ATXN8OS: variants seen among roughly 807,000 people sequenced by gnomAD.
The protein encoded by ATXN8OS is ATXN8 opposite strand (non-protein coding).
At chr13:70,168,866 A>G (rs1327583326) in intron 4 of ATXN8OS, among the ~76,000 whole-genome samples, 1 of 152,060 alleles carries the variant, frequency 6.6e-6, no homozygotes, top group Non-Finnish European at 1.5e-5. Flanking sequence ...GCATCATTTT[A>G]TTTGTTAGTA....
At chr13:70,129,934 T>A (rs1253596521) in intron 3 of ATXN8OS, 2 of 398,088 alleles carry the variant, frequency 5.0e-6, no homozygotes, top group Admixed American at 8.8e-5. Context: ...GTGTGTGCCA[T>A]TAGTGCCTCC....
chr13:70,129,098 G>A (rs1031938887), intron 2 of ATXN8OS, among the ~76,000 whole-genome samples: 4 of 152,168 alleles, frequency 2.6e-5, no homozygotes, highest in African/African-American at 7.2e-5. Context: ...GACCTCAGAC[G>A]ATCCACCTGC....
At chr13:70,120,039 A>C (rs1157179601) in intron 2 of ATXN8OS, among the ~76,000 whole-genome samples, 1 of 152,178 alleles carries the variant, frequency 6.6e-6, no homozygotes, top group Non-Finnish European at 1.5e-5. Context: ...TGTGACACGT[A>C]AGAATTGATA....
At chr13:70,169,982 C>T (rs568213195) in exon 5 of ATXN8OS, among the ~76,000 whole-genome samples, 1 of 152,230 alleles carries the variant, frequency 6.6e-6, no homozygotes, top group Non-Finnish European at 1.5e-5. Flanking sequence ...TACTGCTACT[C>T]TCTGAGGTGT....
intron 4 of ATXN8OS, among the ~76,000 whole-genome samples, chr13:70,154,279 C>T (rs10507781): frequency 0.086 from 13,013 of 152,178 alleles, 654 homozygotes; most frequent in Non-Finnish European, 0.098. Flanking sequence ...AAATAAACCT[C>T]CTTTGTTTGC....
chr13:70,115,068 C>G, intron 1 of ATXN8OS: 1 of 395,260 alleles, frequency 2.5e-6, no homozygotes, highest in East Asian at 3.6e-5. Flanking sequence ...GTGTGTTAGT[C>G]CCTTTTGTGC....
At chr13:70,157,834 A>C (rs1888956497) in intron 4 of ATXN8OS, among the ~76,000 whole-genome samples, 1 of 152,204 alleles carries the variant, frequency 6.6e-6, no homozygotes, top group Non-Finnish European at 1.5e-5. Context: ...ATCCTGAAAG[A>C]AAGCCTACAG....
intron 4 of ATXN8OS, among the ~76,000 whole-genome samples, chr13:70,154,932 T>C (rs138157613): frequency 6.6e-6 from 1 of 152,312 alleles, no homozygotes; most frequent in Non-Finnish European, 1.5e-5. Context: ...TTGGCAGTGG[T>C]CATGTGAAAT....
At position 70,171,048 on chromosome 13, in the gene ATXN8OS, T is replaced by C. The variant is rs145188375; in HGVS notation, n.1869T>C. On this transcript the variant is annotated non_coding_transcript_exon_variant, in exon 5 of 5. Transcript: ENST00000678624. Reference sequence around the variant, plus strand: ...TGTTAAAAGAAGAGCCTTATACAAATTAAATTTAACAGAGTTTAATTGAGC... The same window carrying C: ...TGTTAAAAGAAGAGCCTTATACAAACTAAATTTAACAGAGTTTAATTGAGC... Among the ~76,000 whole-genome samples, 12 of 152,274 alleles carry C rather than the reference T, an allele frequency of 7.9e-5. No homozygotes were observed. The East Asian group carries it at 2.3e-3, about 29-fold the overall frequency.
At chr13:70,134,156 C>A (rs1157338965) in intron 3 of ATXN8OS, among the ~76,000 whole-genome samples, 1 of 151,906 alleles carries the variant, frequency 6.6e-6, no homozygotes, top group East Asian at 1.9e-4. Flanking sequence ...TTGAATGGAC[C>A]AACAGGTAAA....
At chr13:70,167,811 C>T (rs1157325912) in intron 4 of ATXN8OS, among the ~76,000 whole-genome samples, 1 of 142,354 alleles carries the variant, frequency 7.0e-6, no homozygotes, top group Middle Eastern at 4.0e-3. Flanking sequence ...TCTCGGCTCA[C>T]TGCAAGCTCC....
At chr13:70,151,070 T>C (rs780751885) in intron 4 of ATXN8OS, among the ~76,000 whole-genome samples, 1 of 152,132 alleles carries the variant, frequency 6.6e-6, no homozygotes, top group Non-Finnish European at 1.5e-5. Context: ...AAACCATCGC[T>C]ACAATCAAGG....
intron 3 of ATXN8OS, among the ~76,000 whole-genome samples, chr13:70,145,721 AAGTTGCTTCTCAGCTTAAG>A (rs1888775051): frequency 1.3e-5 from 2 of 152,168 alleles, no homozygotes; most frequent in African/African-American, 4.8e-5. Context: ...GACTTTGCTG[AAGTTGCTTCTCAGCTTAAG>A]GAGATTTTGG....
intron 3 of ATXN8OS, among the ~76,000 whole-genome samples, chr13:70,144,156 A>T (rs933693233): frequency 3.9e-5 from 6 of 152,064 alleles, no homozygotes; most frequent in Non-Finnish European, 8.8e-5. Context: ...GCCCAGAAAT[A>T]TTTGTCTGTG....
At chr13:70,117,096 A>G (rs1888290115) in intron 2 of ATXN8OS, among the ~76,000 whole-genome samples, 1 of 152,110 alleles carries the variant, frequency 6.6e-6, no homozygotes, top group African/African-American at 2.4e-5. Flanking sequence ...GTACTTATGC[A>G]ACATGAATAT....
At chr13:70,151,223 T>G (rs912088772) in intron 4 of ATXN8OS, among the ~76,000 whole-genome samples, 1 of 152,132 alleles carries the variant, frequency 6.6e-6, no homozygotes, top group African/African-American at 2.4e-5. Flanking sequence ...ACAGACACCA[T>G]GTTGAACAGC....
chr13:70,167,799 G>A (rs1011154207), intron 4 of ATXN8OS, among the ~76,000 whole-genome samples: 1 of 140,264 alleles, frequency 7.1e-6, no homozygotes, highest in Non-Finnish European at 1.5e-5. Context: ...GCAGTGGCGC[G>A]ATCTCGGCTC....
chr13:70,124,871 A>G (rs1455031548), intron 2 of ATXN8OS, among the ~76,000 whole-genome samples: 1 of 150,666 alleles, frequency 6.6e-6, no homozygotes, highest in African/African-American at 2.4e-5. Flanking sequence ...CCTTTAAAGG[A>G]TTTTTAATTT....
intron 2 of ATXN8OS, among the ~76,000 whole-genome samples, chr13:70,117,244 A>G (rs901715417): frequency 1.1e-4 from 16 of 152,046 alleles, no homozygotes; most frequent in African/African-American, 3.6e-4. Context: ...ACACATATGC[A>G]CACACAAAAG....
Sources: allele counts gnomAD v4.1 joint callset (sites outside exome capture counted in the v4.1 genomes callset), GRCh38; gene constraint gnomAD v4.1.1; transcripts MANE v1.5; gene names NCBI Gene and HGNC (gene_info 2026-07-23, HGNC 2026-07-21).